Variants in ITGB5 observed in about 807,000 individuals in gnomAD.
ITGB5 encodes integrin beta-5.
ITGB5 carries 38 observed loss-of-function variants against 84.8 expected under a neutral mutation model. The observed-to-expected ratio is 0.45, with a 90% CI of 0.35 to 0.59. ITGB5 has a LOEUF of 0.59. Ranked by LOEUF, ITGB5 falls within the 20% of genes least tolerant of loss-of-function variation. The pLI is 0.01. For synonymous variants in ITGB5, 393 were observed against 414.4 expected (o/e 0.95, Z 0.63); for missense variants, 905 against 1,034.5 (o/e 0.87, Z 1.72).
In ITGB5 at chr3:124,817,681, C is replaced by T. The variant is rs749376157; in HGVS notation, c.1068G>A (p.Thr356=). The change falls in exon 8 of 15, where the codon ACG becomes ACA. Residue 356 remains threonine, a synonymous_variant. Coordinates refer to ENST00000296181, the MANE Select transcript of ITGB5 (RefSeq NM_002213.5). ...KNFTALIPGT[T]VEILDGDSKN... is the part of the protein sequence containing the mutation. ...TGGAGTCTCCATCTAAAATCTCCAC[C>T]GTTGTTCCAGGTATCAGGGCTGTAA... 1.4e-5 allele frequency: 23 copies of T among 1,592,452 alleles called. No homozygotes were observed. The highest frequency in any genetic ancestry group is 5.4e-5 in the African/African-American group (4 of 73,676).
intron 10 of ITGB5, chr3:124,787,527 T>C (rs1409753041): frequency 6.6e-6 from 1 of 152,236 alleles, no homozygotes; most frequent in Non-Finnish European, 1.5e-5. Context: ...TAGAAATTAA[T>C]TCAAGACTGA....
intron 8 of ITGB5, among the ~76,000 whole-genome samples, chr3:124,813,202 C>G (rs1047567520): frequency 6.6e-6 from 1 of 152,170 alleles, no homozygotes; most frequent in Admixed American, 6.5e-5. Flanking sequence ...CAGCCTTTCC[C>G]GTTGGCCAGG....
At chr3:124,887,767 G>A (rs1248076571), upstream of ITGB5, 2 of 428,030 alleles carry the variant, frequency 4.7e-6, no homozygotes, top group East Asian at 7.6e-5. Flanking sequence ...GGGTCGTGCC[G>A]GTACCGCCTC....
intron 10 of ITGB5, among the ~76,000 whole-genome samples, chr3:124,779,678 C>T (rs368332215): frequency 2.6e-5 from 4 of 152,310 alleles, no homozygotes; most frequent in East Asian, 1.9e-4. Context: ...TGCCGTTTCA[C>T]CCCTTTGTAT....
intron 3 of ITGB5, among the ~76,000 whole-genome samples, chr3:124,858,443 T>C (rs11928547): frequency 0.44 from 67,327 of 151,986 alleles, 15,177 homozygotes; most frequent in East Asian, 0.67. Context: ...AGCATCCTCC[T>C]AGAATAAACC....
chr3:124,815,226 C>T (rs367968110), intron 8 of ITGB5, among the ~76,000 whole-genome samples: 2 of 152,220 alleles, frequency 1.3e-5, no homozygotes, highest in East Asian at 3.8e-4. Flanking sequence ...GCTGGCTGAC[C>T]AGTGTGCCTT....
intron 1 of ITGB5, among the ~76,000 whole-genome samples, chr3:124,880,496 T>C (rs1934516104): frequency 1.3e-5 from 2 of 152,148 alleles, no homozygotes; most frequent in African/African-American, 4.8e-5. Flanking sequence ...ACTTCTGTGA[T>C]CCCAACAATT....
intron 11 of ITGB5, among the ~76,000 whole-genome samples, chr3:124,770,641 G>A (rs1224527627): frequency 6.6e-6 from 1 of 152,166 alleles, no homozygotes; most frequent in African/African-American, 2.4e-5. Context: ...TTGAGGTTCT[G>A]CAGCCAGGTG....
chr3:124,831,208 C>T (rs2064855690), intron 5 of ITGB5, among the ~76,000 whole-genome samples: 1 of 152,146 alleles, frequency 6.6e-6, no homozygotes, highest in Admixed American at 6.5e-5. Context: ...ATCCCCTCTG[C>T]TCTCTCGCTG....
intron 9 of ITGB5, among the ~76,000 whole-genome samples, chr3:124,808,777 C>T (rs544837761): frequency 6.6e-5 from 10 of 152,144 alleles, no homozygotes; most frequent in Non-Finnish European, 1.5e-4. Context: ...GTCACGATGC[C>T]AACTTAAGAA....
At position 124,881,251 on chromosome 3, in the gene ITGB5, T is replaced by C. The variant is rs143569290; in HGVS notation, c.70+5680A>G. Among the ~76,000 whole-genome samples, 874 of 152,194 alleles carry C rather than the reference T, an allele frequency of 5.7e-3. 21 individuals are homozygous for C. Among genetic ancestry groups the C allele is most frequent in the East Asian group, 0.048 (245 of 5,144 alleles). ...TGCCTGCCTCGGCCTCCCAAAGTGC[T>C]GGGATGATAGGTGTGAGCCACCCTG... On this transcript the variant is annotated intron_variant, in intron 1 of 14. Transcript: ENST00000296181.
chr3:124,817,507 A>T, intron 8 of ITGB5, 114 bp downstream of exon 8: 1 of 590,964 alleles, frequency 1.7e-6, no homozygotes, highest in Non-Finnish European at 3.0e-6. Context: ...ATGGGGGAGC[A>T]GAGCCAAGAA....
rs373808875 is a variant in ITGB5, at chr3:124,884,218, A to G, written c.70+2713T>C. 7.3e-5 allele frequency among the ~76,000 whole-genome samples: 11 copies of G among 150,774 alleles called. No homozygotes were observed. The East Asian group carries it at 1.8e-3, about 24-fold the overall frequency. ...CAAAGAAGGGAAGGGAAGCAAAAAA[A>G]AAAAAGAAAAAAAAAAAGAATGTTG... On this transcript the variant is annotated intron_variant, in intron 1 of 14. Coordinates refer to ENST00000296181, the MANE Select transcript of ITGB5 (RefSeq NM_002213.5).
chr3:124,873,545 T>A lies in ITGB5; in HGVS notation c.71-14A>T. 1 of 1,584,948 alleles carries A rather than the reference T, an allele frequency of 6.3e-7. No homozygotes were observed. Among genetic ancestry groups the A allele is most frequent in the Non-Finnish European group, 8.7e-7 (1 of 1,153,362 alleles). On this transcript the variant is annotated splice_polypyrimidine_tract_variant and intron_variant, in intron 1 of 14. Coordinates refer to ENST00000296181, the MANE Select transcript of ITGB5 (RefSeq NM_002213.5). ...ATATGTTGAGACCTTTAAAGCAAGA[T>A]AAAGATGCACTAATTAGTTCCTGGC...
At chr3:124,884,449 C>T (rs1479416769) in intron 1 of ITGB5, among the ~76,000 whole-genome samples, 1 of 152,098 alleles carries the variant, frequency 6.6e-6, no homozygotes, top group Non-Finnish European at 1.5e-5. Flanking sequence ...ACCTGTAATC[C>T]TAGCATTTTG....
intron 2 of ITGB5, among the ~76,000 whole-genome samples, chr3:124,868,837 A>C (rs1006476411): frequency 1.4e-4 from 22 of 152,044 alleles, no homozygotes; most frequent in Admixed American, 4.6e-4. Context: ...AAATGAAAAA[A>C]AAAGTAAACA....
chr3:124,843,649 GGA>G (rs1404129460), intron 4 of ITGB5, among the ~76,000 whole-genome samples: 1 of 152,176 alleles, frequency 6.6e-6, no homozygotes, highest in Non-Finnish European at 1.5e-5. Flanking sequence ...ACAGACGCTA[GGA>G]GAGTCTCCAC....
intron 5 of ITGB5, among the ~76,000 whole-genome samples, chr3:124,828,969 A>G (rs1233777809): frequency 6.6e-6 from 1 of 152,174 alleles, no homozygotes; most frequent in Non-Finnish European, 1.5e-5. Context: ...GTATTGATAA[A>G]ATAGGGTTGT....
chr3:124,889,171 T>A (rs61759456), upstream of ITGB5, among the ~76,000 whole-genome samples: 1 of 152,240 alleles, frequency 6.6e-6, no homozygotes, highest in African/African-American at 2.4e-5. Context: ...CAGACAGAAC[T>A]CAAAGTCATC....
Sources: gnomAD v4.1 joint callset for allele counts (sites outside exome capture counted in the v4.1 genomes callset) on GRCh38, gnomAD v4.1.1 for gene constraint, MANE v1.5 for transcripts, NCBI Gene and HGNC (gene_info 2026-07-23, HGNC 2026-07-21) for gene names.